Variants in DYM observed in about 807,000 individuals in gnomAD.
The protein encoded by DYM is dyggve-Melchior-Clausen syndrome protein.
Under a neutral mutation model 93.1 loss-of-function variants are expected in DYM, and 78 were observed. The ratio of observed to expected loss-of-function variants is 0.84; its 90% confidence interval spans 0.70 to 1.01. DYM has a LOEUF of 1.01. Ranked by LOEUF, DYM falls within the 50% of genes least tolerant of loss-of-function variation. The pLI, the probability that DYM is intolerant of heterozygous loss-of-function variation, is 0.00. For synonymous variants in DYM, 321 were observed against 319.7 expected (o/e 1.00, Z -0.04); for missense variants, 789 against 845.0 (o/e 0.93, Z 0.82).
chr18:49,048,282 G>C (rs527845980), intron 17 of DYM: 1 of 152,326 alleles, frequency 6.6e-6, no homozygotes, highest in East Asian at 1.9e-4. Context: ...GAAAATCCTA[G>C]TTCTTAGGAC....
intron 15 of DYM, among the ~76,000 whole-genome samples, chr18:49,140,303 A>C (rs1470369409): frequency 1.3e-5 from 2 of 152,196 alleles, no homozygotes; most frequent in African/African-American, 2.4e-5. Flanking sequence ...TTTGATAGGA[A>C]AATGACAAAC....
At chr18:49,438,308 TGAGTA>T (rs1025236809) in intron 1 of DYM, among the ~76,000 whole-genome samples, 3 of 152,146 alleles carry the variant, frequency 2.0e-5, no homozygotes, top group African/African-American at 7.2e-5. Context: ...GACAGCCAAT[TGAGTA>T]AAGAGTACAG....
chr18:49,315,840 T>C (rs1568232186), intron 8 of DYM, among the ~76,000 whole-genome samples: 1 of 152,198 alleles, frequency 6.6e-6, no homozygotes, highest in Non-Finnish European at 1.5e-5. Context: ...TGGAACCCTG[T>C]GTCAACACTT....
chr18:49,242,770 G>A (rs186906786), intron 13 of DYM, among the ~76,000 whole-genome samples: 7 of 152,258 alleles, frequency 4.6e-5, no homozygotes, highest in Middle Eastern at 3.4e-3. Context: ...CGCCATCTTG[G>A]CTCACTGCAA....
intron 14 of DYM, among the ~76,000 whole-genome samples, chr18:49,208,057 C>G (rs1451413027): frequency 1.3e-5 from 2 of 151,692 alleles, no homozygotes; most frequent in African/African-American, 4.8e-5. Flanking sequence ...GTGGTGCACA[C>G]CTGTAATCCC....
intron 16 of DYM, among the ~76,000 whole-genome samples, chr18:49,113,079 C>T (rs1221824810): frequency 1.3e-5 from 2 of 151,848 alleles, no homozygotes; most frequent in African/African-American, 2.4e-5. Context: ...TTTTATATTG[C>T]ATTGGTTTTT....
intron 16 of DYM, among the ~76,000 whole-genome samples, chr18:49,102,351 A>G (rs1410326840): frequency 6.6e-6 from 1 of 152,102 alleles, no homozygotes; most frequent in East Asian, 1.9e-4. Context: ...TTTCCCTTGT[A>G]AACTTCTTTT....
intron 2 of DYM, among the ~76,000 whole-genome samples, chr18:49,428,127 C>A (rs967829042): frequency 6.6e-6 from 1 of 151,916 alleles, no homozygotes; most frequent in Non-Finnish European, 1.5e-5. Context: ...AGTATTGGTG[C>A]ATGCTACAAC....
chr18:49,286,726 T>C lies in DYM; in HGVS notation c.764-110A>G. On this transcript the variant is annotated intron_variant, in intron 8 of 17. Transcript: ENST00000675505. ...AATATGGTAATGAGCAGTTCCAAAG[T>C]GTAGAACAAGAATCATGTCTATACA... is the stretch of plus-strand genomic sequence containing the variant. 2.7e-6 allele frequency: 3 copies of C among 1,097,306 alleles called. No individual in the cohort carries two copies. The South Asian group carries it at 4.0e-5, about 15-fold the overall frequency. 68.0% of individuals were successfully genotyped at this position (1,097,306 alleles called of 1,614,324 possible).
chr18:49,306,455 G>A (rs2061281699), intron 8 of DYM, among the ~76,000 whole-genome samples: 2 of 152,270 alleles, frequency 1.3e-5, no homozygotes, highest in East Asian at 1.9e-4. Flanking sequence ...TGGGATGTGT[G>A]AATTCTTGGA....
At chr18:49,421,062 C>T (rs2073640550) in intron 2 of DYM, among the ~76,000 whole-genome samples, 1 of 152,182 alleles carries the variant, frequency 6.6e-6, no homozygotes, top group Non-Finnish European at 1.5e-5. Context: ...GTAGACTCCA[C>T]CAATGGGGGC....
At chr18:49,172,815 ATTGT>A (rs1019562509) in intron 14 of DYM, among the ~76,000 whole-genome samples, 8 of 152,204 alleles carry the variant, frequency 5.3e-5, no homozygotes, top group African/African-American at 1.2e-4. Context: ...TTTTTAAAAA[ATTGT>A]TTGTTTTTTA....
intron 17 of DYM, among the ~76,000 whole-genome samples, chr18:49,071,862 G>T (rs974915524): frequency 3.3e-5 from 5 of 152,158 alleles, no homozygotes; most frequent in African/African-American, 1.2e-4. Context: ...TTGTCATAGG[G>T]ACTATTGAAA....
At chr18:49,309,295 A>C (rs1017626058) in intron 8 of DYM, among the ~76,000 whole-genome samples, 1 of 152,178 alleles carries the variant, frequency 6.6e-6, no homozygotes, top group Non-Finnish European at 1.5e-5. Flanking sequence ...AAAGGTGGCA[A>C]ACTTGAAAGT....
chr18:49,110,504 T>A (rs575770719), intron 16 of DYM, among the ~76,000 whole-genome samples: 24 of 152,290 alleles, frequency 1.6e-4, no homozygotes, highest in Admixed American at 9.8e-4. Flanking sequence ...TTTTTTCATT[T>A]TAGCCTTATA....
intron 14 of DYM, among the ~76,000 whole-genome samples, chr18:49,187,098 T>G (rs1044848399): frequency 2.8e-4 from 42 of 152,146 alleles, no homozygotes; most frequent in Non-Finnish European, 2.5e-4. Flanking sequence ...TTTTTGTATG[T>G]TTAGTAGAGG....
At chr18:49,378,928 T>C (rs2067776524) in intron 4 of DYM, among the ~76,000 whole-genome samples, 1 of 152,168 alleles carries the variant, frequency 6.6e-6, no homozygotes, top group Non-Finnish European at 1.5e-5. Context: ...ATCTACTTAA[T>C]AAAAATCTTT....
At position 49,039,583 on chromosome 18, in the gene DYM, T is replaced by A. The variant is rs2070829140; in HGVS notation, c.*4472A>T. Among the ~76,000 whole-genome samples the A allele has an allele frequency of 6.6e-6, 1 of 152,088 alleles. No homozygotes were observed. Among genetic ancestry groups the A allele is most frequent in the South Asian group, 2.1e-4 (1 of 4,818 alleles). On this transcript the variant is annotated 3_prime_UTR_variant, in exon 18 of 18. Transcript: ENST00000675505. Reference sequence around the variant, plus strand: ...ACCCTTTAAGTCTCTTACCCTCTATTCTCCATGTTCTGTTTTTTTTACTAT... The same window carrying A: ...ACCCTTTAAGTCTCTTACCCTCTATACTCCATGTTCTGTTTTTTTTACTAT...
intron 13 of DYM, among the ~76,000 whole-genome samples, chr18:49,244,089 C>T (rs748642469): frequency 2.0e-5 from 3 of 152,072 alleles, no homozygotes; most frequent in African/African-American, 4.8e-5. Flanking sequence ...CCTCAAACCC[C>T]GAAGTCCTCA....
Sources: allele counts gnomAD v4.1 joint callset (sites outside exome capture counted in the v4.1 genomes callset), GRCh38; gene constraint gnomAD v4.1.1; transcripts MANE v1.5; gene names NCBI Gene and HGNC (gene_info 2026-07-23, HGNC 2026-07-21).